SENP2: variants seen among roughly 807,000 people sequenced by gnomAD.
SENP2 encodes the protein sentrin-specific protease 2.
Under a neutral mutation model 86.3 loss-of-function variants are expected in SENP2, and 16 were observed. The observed-to-expected ratio is 0.19, with a 90% confidence interval of 0.13 to 0.28. SENP2 has a LOEUF of 0.28. SENP2 is among the 10% of genes least tolerant of loss of function. SENP2 has a pLI of 1.00. For missense variants in SENP2, 552 were observed against 703.0 expected, an observed-to-expected ratio of 0.79 and a Z score of 2.43; for synonymous variants, 222 against 238.7, an observed-to-expected ratio of 0.93 and a Z score of 0.64.
At chr3:185,589,226 G>A (rs370242775) in intron 1 of SENP2, among the ~76,000 whole-genome samples, 5 of 152,092 alleles carry the variant, frequency 3.3e-5, no homozygotes, top group South Asian at 2.1e-4. Context: ...TGTAGTTTGC[G>A]TGATAAAAAT....
intron 13 of SENP2, among the ~76,000 whole-genome samples, chr3:185,621,174 A>G (rs1374854787): frequency 4.7e-5 from 7 of 148,274 alleles, no homozygotes; most frequent in Admixed American, 1.3e-4. Context: ...AAAAAAAAAA[A>G]AAAGAGAGAG....
chr3:185,605,753 T>C (rs563566321), intron 5 of SENP2, among the ~76,000 whole-genome samples: 1 of 152,200 alleles, frequency 6.6e-6, no homozygotes, highest in East Asian at 1.9e-4. Flanking sequence ...TTTGTTGCAT[T>C]GTTGGTAATG....
chr3:185,599,748 AATAAATAC>A (rs1422548567), intron 4 of SENP2, among the ~76,000 whole-genome samples: 1 of 152,142 alleles, frequency 6.6e-6, no homozygotes, highest in Non-Finnish European at 1.5e-5. Context: ...AGCAAAGGAG[AATAAATAC>A]ATACCCCTGT....
At chr3:185,619,603 A>G (rs1370844209) in intron 13 of SENP2, 101 bp downstream of exon 13, 4 of 813,228 alleles carry the variant, frequency 4.9e-6, no homozygotes, top group Non-Finnish European at 7.7e-6. Flanking sequence ...GGCCAATAGT[A>G]TATATTATAA....
At position 185,626,314 on chromosome 3, in the gene SENP2, T is replaced by C. The variant is rs745853413; in HGVS notation, c.1628T>C (p.Leu543Pro). ...SMKPHEIPQQ[L>P]NGSDCGMFTC... is the part of the protein sequence containing the mutation. ...TAATTTTAGGAGATTCCTCAACAGC[T>C]GAATGGGAGTGATTGTGGAATGTTT... The change falls in exon 16 of 17, where the codon CTG (leucine) becomes CCG (proline). Residue 543 changes from leucine (L) to proline (P), a missense_variant. Transcript: ENST00000296257. 1 of 1,610,258 alleles carries C rather than the reference T, an allele frequency of 6.2e-7. No homozygotes were observed.
At position 185,606,492 on chromosome 3, in the gene SENP2, G is replaced by A. The variant is rs1208438318; in HGVS notation, c.612G>A (p.Val204=). Residue 204 remains valine (V), a synonymous_variant, in exon 6 of 17, where the codon GTG becomes GTA. Transcript: ENST00000296257. ...GTCTGAGGCGTCCCCATTGTACTGT[G>A]GAGGAGGTAAGCCTTTTCAGCTTGA... The part of the protein sequence containing the change: ...GKGLRRPHCT[V]EEGVQKEERE... 1.3e-6 allele frequency: 2 copies of A among 1,586,226 alleles called. No homozygotes were observed. The highest frequency in any genetic ancestry group is 2.2e-5 in the East Asian group (1 of 44,638).
At chr3:185,628,997 AATAAG>A (rs1445607373) in intron 16 of SENP2, among the ~76,000 whole-genome samples, 1 of 152,142 alleles carries the variant, frequency 6.6e-6, no homozygotes, top group Non-Finnish European at 1.5e-5. Context: ...CTCTGAACCT[AATAAG>A]ATGAGATTTT....
intron 4 of SENP2, 88 bp from the exon 5 acceptor site, chr3:185,600,677 G>C: frequency 1.3e-6 from 1 of 797,638 alleles, no homozygotes; most frequent in Non-Finnish European, 2.2e-6. Flanking sequence ...CTATGATGTA[G>C]GTTGCTCACA....
Position 185,586,381 on chromosome 3 carries a change from G to T in SENP2, c.-33G>T, listed in dbSNP as rs761421250. 2 of 1,612,638 alleles carry T rather than the reference G, an allele frequency of 1.2e-6. No individual in the cohort carries two copies. Among genetic ancestry groups the T allele is most frequent in the South Asian group, 1.1e-5 (1 of 91,086 alleles). On this transcript the variant is annotated 5_prime_UTR_variant, in exon 1 of 17. Transcript: ENST00000296257. The surrounding 1 kb of genome is among the most constrained non-coding windows in gnomAD (Gnocchi z 4.3). Reference sequence around the variant, plus strand: ...ACAGCTCTGGGGTTTGCGTCTCGGGGTGTGTCGGCCGCCGCTGCTGCTTGG... The same window carrying T: ...ACAGCTCTGGGGTTTGCGTCTCGGGTTGTGTCGGCCGCCGCTGCTGCTTGG...
At chr3:185,619,994 A>G (rs1001041162) in intron 13 of SENP2, among the ~76,000 whole-genome samples, 11 of 150,730 alleles carry the variant, frequency 7.3e-5, no homozygotes, top group Non-Finnish European at 1.0e-4. Flanking sequence ...TCAGTTTTTC[A>G]AAGTGTTGGT....
chr3:185,619,146 A>T (rs1711746106), intron 12 of SENP2, among the ~76,000 whole-genome samples, 153 bp from the exon 13 acceptor site: 1 of 152,040 alleles, frequency 6.6e-6, no homozygotes, highest in African/African-American at 2.4e-5. Context: ...CCCATTTTGC[A>T]CTGATCACTT....
intron 8 of SENP2, 127 bp downstream of exon 8, chr3:185,611,872 T>C (rs140316187): frequency 1.9e-5 from 14 of 721,028 alleles, no homozygotes; most frequent in Non-Finnish European, 2.3e-5. Context: ...TCTCACAGCA[T>C]TGGGCCGGGC....
At chr3:185,590,923 T>C (rs1313469401) in intron 2 of SENP2, among the ~76,000 whole-genome samples, 3 of 87,326 alleles carry the variant, frequency 3.4e-5, no homozygotes, top group African/African-American at 9.4e-5. Context: ...TTTTTTTTTT[T>C]TGAGACAGAG....
At chr3:185,603,939 T>A (rs1474455021) in intron 5 of SENP2, among the ~76,000 whole-genome samples, 3 of 152,062 alleles carry the variant, frequency 2.0e-5, no homozygotes, top group African/African-American at 7.2e-5. Context: ...CTGGCCAACA[T>A]GGTGAAACCC....
chr3:185,586,605 T>C lies in SENP2; in HGVS notation c.101+91T>C. 1 of 1,283,712 alleles carries C rather than the reference T, an allele frequency of 7.8e-7. No homozygotes were observed. Among genetic ancestry groups the C allele is most frequent in the Non-Finnish European group, 1.1e-6 (1 of 902,536 alleles). The allele number at this position is 1,283,712 out of a possible 1,614,324, so 79.5% of individuals were successfully genotyped here. A position where few individuals can be genotyped will look rare whatever the true frequency, so the allele number is the denominator to read the frequency against. ...CGTGATAGCTTTGATTCAGCCAGGC[T>C]CACCCGAAACAGGTCGCCGGGATCC... On this transcript the variant is annotated intron_variant, in intron 1 of 16. Transcript: ENST00000296257. This position sits in a 1 kb window ranked among gnomAD's most constrained non-coding sequence, Gnocchi z 4.3.
chr3:185,626,272 C>G (rs767190275), intron 15 of SENP2, 26 bp from the exon 16 acceptor site: 3 of 1,474,072 alleles, frequency 2.0e-6, no homozygotes, highest in Admixed American at 3.4e-5. Context: ...ACCCTTTCCT[C>G]TCTTCTTTTT....
rs776201683 is a variant in SENP2, at chr3:185,629,841, G to A, written c.1767G>A (p.Leu589=). ...GGGAAATCCTTCATCAGCAGTTGCTGTGAGAAAACTTTGCCTGGTCCCTCT... is the reference window on the plus strand; with the variant it reads ...GGGAAATCCTTCATCAGCAGTTGCTATGAGAAAACTTTGCCTGGTCCCTCT... ...MVWEILHQQL[L] is the part of the protein sequence containing the mutation. Residue 589 remains leucine (L), a synonymous_variant, in exon 17 of 17, where the codon CTG becomes CTA. Coordinates refer to ENST00000296257, the MANE Select transcript of SENP2 (RefSeq NM_021627.3). The A allele has an allele frequency of 8.1e-6, 13 of 1,614,002 alleles. No homozygotes were observed. The African/African-American group carries it at 1.6e-4, about 20-fold the overall frequency.
Position 185,618,772 on chromosome 3 carries a change from G to A in SENP2, c.1243-527G>A, listed in dbSNP as rs191166115. Among the ~76,000 whole-genome samples the A allele has an allele frequency of 5.6e-3, 851 of 152,108 alleles. 17 individuals are homozygous for A. The highest frequency in any genetic ancestry group is 0.027 in the Admixed American group (414 of 15,266). On this transcript the variant is annotated intron_variant, in intron 12 of 16. Coordinates refer to ENST00000296257, the MANE Select transcript of SENP2 (RefSeq NM_021627.3). Reference sequence around the variant, plus strand: ...CGGGTACCTGTAGTCCCAGCTACTCGGGAGGCTGAGGCAGGAGAATGGTGT... The same window carrying A: ...CGGGTACCTGTAGTCCCAGCTACTCAGGAGGCTGAGGCAGGAGAATGGTGT...
rs6807978 is a variant in SENP2, at chr3:185,630,117, A to G, written c.*273A>G. 3.0e-6 allele frequency: 1 copy of G among 329,742 alleles called. No homozygotes were observed. Among genetic ancestry groups the G allele is most frequent in the African/African-American group, 2.0e-5 (1 of 49,390 alleles). The allele number at this position is 329,742 out of a possible 1,614,324, so 20.4% of individuals were successfully genotyped here. On this transcript the variant is annotated 3_prime_UTR_variant, in exon 17 of 17. Coordinates refer to ENST00000296257, the MANE Select transcript of SENP2 (RefSeq NM_021627.3). ...CGCTAACTAATATTTTTTTTAAGAG[A>G]TTCTTTTCCCTATGAATGTGGGAAA...
Sources: gnomAD v4.1 joint callset for allele counts (sites outside exome capture counted in the v4.1 genomes callset) on GRCh38, gnomAD v4.1.1 for gene constraint, Gnocchi (gnomAD v3.1) non-coding constraint, MANE v1.5 for transcripts, NCBI Gene and HGNC (gene_info 2026-07-23, HGNC 2026-07-21) for gene names.